The following HDAC9 variants were observed in gnomAD, a reference collection of about 807,000 sequenced individuals.
HDAC9 encodes the protein MEF-2 interacting transcription repressor (MITR) protein.
In HDAC9, 41 loss-of-function variants were observed where a neutral mutation model predicts 139.4. The observed-to-expected ratio is 0.29, with a 90% CI of 0.23 to 0.38. The LOEUF (loss-of-function observed/expected upper bound fraction) is 0.38. HDAC9 is among the 10% of genes least tolerant of loss of function. HDAC9 has a pLI of 1.00. For synonymous variants in HDAC9, 517 were observed against 476.2 expected, an observed-to-expected ratio of 1.09 and a Z score of -1.12; for missense variants, 1,147 against 1,297.0, an observed-to-expected ratio of 0.88 and a Z score of 1.78.
At chr7:18,146,533 T>C (rs1012797974) in intron 1 of HDAC9, among the ~76,000 whole-genome samples, 2 of 152,212 alleles carry the variant, frequency 1.3e-5, no homozygotes, top group Non-Finnish European at 2.9e-5. Flanking sequence ...CAAAACTACT[T>C]AAAATTAGTT....
chr7:18,438,117 T>C (rs1791389788), intron 1 of HDAC9, among the ~76,000 whole-genome samples: 1 of 149,130 alleles, frequency 6.7e-6, no homozygotes, highest in Non-Finnish European at 1.5e-5. Flanking sequence ...TATTTATATA[T>C]TAAAAATAAA....
intron 12 of HDAC9, among the ~76,000 whole-genome samples, chr7:18,713,136 T>C (rs1784460954): frequency 6.6e-6 from 1 of 152,196 alleles, no homozygotes; most frequent in Non-Finnish European, 1.5e-5. Flanking sequence ...GTCTATTTTG[T>C]GGGCAGTGAC....
intron 1 of HDAC9, among the ~76,000 whole-genome samples, chr7:18,155,919 A>C (rs1787161835): frequency 1.3e-5 from 2 of 152,166 alleles, no homozygotes; most frequent in South Asian, 4.1e-4. Context: ...AGGTTAAATC[A>C]CCGACTGCAT....
chr7:18,812,483 C>T (rs1794251186), intron 17 of HDAC9, among the ~76,000 whole-genome samples: 1 of 151,948 alleles, frequency 6.6e-6, no homozygotes, highest in African/African-American at 2.4e-5. Flanking sequence ...ATTTCACACT[C>T]TAAAGATATA....
intron 1 of HDAC9, among the ~76,000 whole-genome samples, chr7:18,160,018 T>C (rs1787512939): frequency 6.6e-6 from 1 of 152,134 alleles, no homozygotes; most frequent in Non-Finnish European, 1.5e-5. Flanking sequence ...CAGCATGTCA[T>C]GGAGAGTTGT....
At chr7:18,565,708 C>T (rs561343630) in intron 2 of HDAC9, among the ~76,000 whole-genome samples, 2 of 152,142 alleles carry the variant, frequency 1.3e-5, no homozygotes, top group Admixed American at 1.3e-4. Context: ...TATCTAAATG[C>T]ACTGAAATAA....
intron 22 of HDAC9, among the ~76,000 whole-genome samples, chr7:18,880,290 A>C (rs1799634257): frequency 6.6e-6 from 1 of 152,218 alleles, no homozygotes. Context: ...CATTTGATCC[A>C]GCAATCCCAT....
At chr7:18,317,749 T>C (rs148706361) in intron 1 of HDAC9, among the ~76,000 whole-genome samples, 2 of 152,258 alleles carry the variant, frequency 1.3e-5, no homozygotes, top group East Asian at 1.9e-4. Context: ...ACTTTCTACT[T>C]TGGGGAAAAT....
chr7:18,416,441 C>T (rs968019904), intron 1 of HDAC9, among the ~76,000 whole-genome samples: 16 of 151,854 alleles, frequency 1.1e-4, no homozygotes, highest in Admixed American at 6.6e-5. Flanking sequence ...GTAGTATTAC[C>T]TCCTCTTCAT....
intron 1 of HDAC9, among the ~76,000 whole-genome samples, chr7:18,301,896 A>T (rs943420525): frequency 6.6e-6 from 1 of 152,226 alleles, no homozygotes; most frequent in South Asian, 2.1e-4. Context: ...AAATCACCAT[A>T]GAATTCAAGA....
intron 11 of HDAC9, among the ~76,000 whole-genome samples, chr7:18,662,178 A>T (rs2129063460): frequency 6.6e-6 from 1 of 152,128 alleles, no homozygotes; most frequent in East Asian, 1.9e-4. Context: ...AAATGCTATG[A>T]TTTTTGTGTT....
chr7:18,705,396 A>G (rs1676958694), intron 12 of HDAC9, among the ~76,000 whole-genome samples: 1 of 152,050 alleles, frequency 6.6e-6, no homozygotes, highest in South Asian at 2.1e-4. Flanking sequence ...CTGTGGTGCA[A>G]AATTCTCCTC....
chr7:18,731,343 C>T (rs539966936), intron 13 of HDAC9, among the ~76,000 whole-genome samples: 5 of 152,042 alleles, frequency 3.3e-5, no homozygotes, highest in South Asian at 2.1e-4. Context: ...TAAAGCTAGG[C>T]GGCTGGCTTA....
chr7:18,468,541 C>A (rs1446410845), intron 1 of HDAC9, among the ~76,000 whole-genome samples: 2 of 151,950 alleles, frequency 1.3e-5, no homozygotes, highest in African/African-American at 4.8e-5. Flanking sequence ...AACTCCTGGG[C>A]TCAAGTGAAT....
intron 8 of HDAC9, 71 bp downstream of exon 8, chr7:18,634,813 T>C (rs1484692312): frequency 2.3e-6 from 2 of 883,702 alleles, no homozygotes; most frequent in Admixed American, 4.3e-5. Context: ...AAAGTGATAT[T>C]TCTGAGTTGA....
intron 22 of HDAC9, chr7:18,899,365 C>T (rs1421138546): frequency 1.3e-5 from 2 of 151,762 alleles, no homozygotes; most frequent in Non-Finnish European, 2.9e-5. Flanking sequence ...TCCCTATAGC[C>T]AAACATGAAC....
chr7:18,731,112 C>T (rs1412364498), intron 13 of HDAC9, among the ~76,000 whole-genome samples: 1 of 152,034 alleles, frequency 6.6e-6, no homozygotes, highest in Non-Finnish European at 1.5e-5. Context: ...GAATGATGCG[C>T]AATTTAAAAC....
chr7:18,482,235 G>T (rs1222580161), intron 1 of HDAC9, among the ~76,000 whole-genome samples: 3 of 151,448 alleles, frequency 2.0e-5, no homozygotes, highest in African/African-American at 7.3e-5. Flanking sequence ...CATGTGCCCT[G>T]TCACACTGTT....
intron 2 of HDAC9, among the ~76,000 whole-genome samples, chr7:18,535,314 A>C (rs1156391034): frequency 1.3e-5 from 2 of 152,100 alleles, no homozygotes; most frequent in Non-Finnish European, 2.9e-5. Flanking sequence ...AATCACCCCC[A>C]AATTGATATA....
Sources: allele counts gnomAD v4.1 joint callset (sites outside exome capture counted in the v4.1 genomes callset), GRCh38; gene constraint gnomAD v4.1.1; transcripts MANE v1.5; gene names NCBI Gene and HGNC (gene_info 2026-07-23, HGNC 2026-07-21).